Variants in CPQ observed in about 807,000 individuals in gnomAD.
The protein encoded by CPQ is Ser-Met dipeptidase.
Under a neutral mutation model 45.7 loss-of-function variants are expected in CPQ, and 37 were observed. The observed-to-expected ratio is 0.81, with a 90% CI of 0.62 to 1.07. The LOEUF (loss-of-function observed/expected upper bound fraction) is 1.07. Ranked by LOEUF, CPQ falls within the 50% of genes least tolerant of loss-of-function variation. The pLI is 0.00. For synonymous variants in CPQ, 186 were observed against 205.8 expected (o/e 0.90, Z 0.82); for missense variants, 537 against 572.9 (o/e 0.94, Z 0.64).
intron 3 of CPQ, among the ~76,000 whole-genome samples, chr8:96,868,469 C>T (rs1326339599): frequency 6.6e-6 from 1 of 151,994 alleles, no homozygotes. Context: ...TAGTTGACTT[C>T]AGGCGTATTC....
chr8:96,673,187 A>G (rs1344734224), intron 1 of CPQ, among the ~76,000 whole-genome samples: 1 of 152,168 alleles, frequency 6.6e-6, no homozygotes, highest in Non-Finnish European at 1.5e-5. Context: ...AAAGCAATGA[A>G]AGAATGCAGC....
intron 1 of CPQ, among the ~76,000 whole-genome samples, chr8:96,657,305 A>C (rs866405683): frequency 2.0e-5 from 3 of 152,170 alleles, no homozygotes; most frequent in Admixed American, 6.5e-5. Context: ...AGATTGTGCC[A>C]CTGCACTTCA....
chr8:97,020,308 A>G (rs999207782), intron 5 of CPQ, among the ~76,000 whole-genome samples: 1 of 152,134 alleles, frequency 6.6e-6, no homozygotes, highest in African/African-American at 2.4e-5. Flanking sequence ...CTAAGGTCAC[A>G]TCTCAAGGAA....
intron 3 of CPQ, among the ~76,000 whole-genome samples, chr8:96,840,510 C>A (rs528887385): frequency 3.3e-4 from 51 of 152,246 alleles, no homozygotes; most frequent in Middle Eastern, 3.4e-3. Context: ...CCCGTTGTAT[C>A]AGAAAAGCTA....
chr8:96,883,376 C>T (rs1812255980), intron 4 of CPQ, among the ~76,000 whole-genome samples: 3 of 152,158 alleles, frequency 2.0e-5, no homozygotes, highest in Non-Finnish European at 2.9e-5. Flanking sequence ...GTCGGGGTAG[C>T]ACCTTCTCCC....
At chr8:96,928,177 A>G (rs1812918459) in intron 4 of CPQ, among the ~76,000 whole-genome samples, 1 of 152,160 alleles carries the variant, frequency 6.6e-6, no homozygotes, top group Non-Finnish European at 1.5e-5. Context: ...TAAGACAGAA[A>G]GCGAGGGAAA....
chr8:96,900,640 A>G (rs1812502020), intron 4 of CPQ, among the ~76,000 whole-genome samples: 1 of 152,188 alleles, frequency 6.6e-6, no homozygotes, highest in Non-Finnish European at 1.5e-5. Flanking sequence ...AAGGGTACAT[A>G]GTGCTGCTTA....
chr8:96,682,978 C>T (rs2464490), intron 1 of CPQ, among the ~76,000 whole-genome samples: 107,073 of 152,038 alleles, frequency 0.7, 38,145 homozygotes, highest in Middle Eastern at 0.83. Flanking sequence ...ATTCCTGTCA[C>T]TTTGTAATAT....
intron 6 of CPQ, among the ~76,000 whole-genome samples, chr8:97,054,435 G>A (rs1810416747): frequency 1.3e-5 from 2 of 152,056 alleles, no homozygotes; most frequent in Admixed American, 6.6e-5. Context: ...CTGCCCAAAG[G>A]AAAAGAAGTC....
chr8:97,041,291 T>G (rs1361262976), intron 6 of CPQ, among the ~76,000 whole-genome samples: 1 of 152,114 alleles, frequency 6.6e-6, no homozygotes, highest in Non-Finnish European at 1.5e-5. Flanking sequence ...TGTTTGTCTG[T>G]TATTGGTGTA....
intron 4 of CPQ, among the ~76,000 whole-genome samples, chr8:96,882,004 T>C (rs989305537): frequency 1.3e-5 from 2 of 152,104 alleles, no homozygotes; most frequent in Non-Finnish European, 2.9e-5. Context: ...ACAGCATCAG[T>C]GGGATGAAGG....
chr8:96,955,579 C>A (rs1813343824), intron 4 of CPQ, among the ~76,000 whole-genome samples: 1 of 152,034 alleles, frequency 6.6e-6, no homozygotes, highest in Middle Eastern at 3.2e-3. Context: ...AATCCTAAGC[C>A]AAAAGAACAA....
intron 7 of CPQ, among the ~76,000 whole-genome samples, chr8:97,118,610 T>C (rs1811637104): frequency 6.6e-6 from 1 of 152,178 alleles, no homozygotes; most frequent in Non-Finnish European, 1.5e-5. Flanking sequence ...GTAGGAAGCA[T>C]GTACAAATGT....
chr8:96,783,941 C>G (rs1810723871), intron 1 of CPQ, among the ~76,000 whole-genome samples: 1 of 152,050 alleles, frequency 6.6e-6, no homozygotes, highest in Non-Finnish European at 1.5e-5. Flanking sequence ...TGGTATGGCC[C>G]ACAAACCCAT....
At chr8:97,070,617 G>A (rs950646986) in intron 7 of CPQ, among the ~76,000 whole-genome samples, 1 of 152,072 alleles carries the variant, frequency 6.6e-6, no homozygotes, top group Non-Finnish European at 1.5e-5. Context: ...ATATAAATTG[G>A]GAAGCCTAGA....
intron 2 of CPQ, among the ~76,000 whole-genome samples, chr8:96,792,843 AAG>A (rs1272441743): frequency 6.6e-6 from 1 of 152,184 alleles, no homozygotes; most frequent in African/African-American, 2.4e-5. Flanking sequence ...TTATAGACGA[AAG>A]AGGTTTAATT....
intron 4 of CPQ, among the ~76,000 whole-genome samples, chr8:96,886,312 T>C (rs1271499688): frequency 6.6e-6 from 1 of 152,208 alleles, no homozygotes; most frequent in Admixed American, 6.5e-5. Flanking sequence ...AATCATGGTA[T>C]ATTTAAGACC....
intron 4 of CPQ, among the ~76,000 whole-genome samples, chr8:96,896,881 A>C (rs1812449430): frequency 6.6e-6 from 1 of 152,198 alleles, no homozygotes; most frequent in South Asian, 2.1e-4. Flanking sequence ...TGACTAAAAT[A>C]AAATGGTTAA....
At chr8:96,857,165 C>T (rs572189053) in intron 3 of CPQ, among the ~76,000 whole-genome samples, 1 of 152,316 alleles carries the variant, frequency 6.6e-6, no homozygotes, top group East Asian at 1.9e-4. Flanking sequence ...TGCACAGCCA[C>T]ACACGGCCTT....
Sources: gnomAD v4.1 joint callset for allele counts (sites outside exome capture counted in the v4.1 genomes callset) on GRCh38, gnomAD v4.1.1 for gene constraint, MANE v1.5 for transcripts, NCBI Gene and HGNC (gene_info 2026-07-23, HGNC 2026-07-21) for gene names.